HDAC9: variants seen among roughly 807,000 people sequenced by gnomAD.
HDAC9 encodes MEF-2 interacting transcription repressor (MITR) protein.
Under a neutral mutation model 139.4 loss-of-function variants are expected in HDAC9, and 41 were observed. The observed-to-expected ratio is 0.29, with a 90% confidence interval of 0.23 to 0.38. The LOEUF (loss-of-function observed/expected upper bound fraction) is 0.38, where lower values mean the gene tolerates loss of function less well. HDAC9 is among the 10% of genes least tolerant of loss of function. The probability of loss-of-function intolerance (pLI) is 1.00; values close to 1 mark genes in which losing one functional copy is unlikely to be tolerated. For synonymous variants in HDAC9, 517 were observed against 476.2 expected (o/e 1.09, Z -1.12); for missense variants, 1,147 against 1,297.0 (o/e 0.88, Z 1.78).
chr7:18,489,017 TAAG>T (rs769392741), intron 1 of HDAC9, among the ~76,000 whole-genome samples: 68 of 152,038 alleles, frequency 4.5e-4, no homozygotes, highest in Non-Finnish European at 9.0e-4. Flanking sequence ...AATATTTTAA[TAAG>T]AAACTATATA....
chr7:18,793,297 C>G (rs531181026), intron 16 of HDAC9, 48 bp from the exon 17 acceptor site: 3 of 1,314,986 alleles, frequency 2.3e-6, no homozygotes, highest in East Asian at 5.0e-5. Flanking sequence ...TCTTCCTTCT[C>G]TTTCGCTTTC....
At chr7:18,482,466 C>T (rs1795645512) in intron 1 of HDAC9, among the ~76,000 whole-genome samples, 1 of 139,550 alleles carries the variant, frequency 7.2e-6, no homozygotes, top group Non-Finnish European at 1.5e-5. Context: ...AACTATTTTC[C>T]CCTTATGTGG....
At chr7:18,761,271 A>G (rs1026852016) in intron 14 of HDAC9, among the ~76,000 whole-genome samples, 83 of 152,312 alleles carry the variant, frequency 5.4e-4, no homozygotes, top group African/African-American at 1.9e-3. Context: ...GTTTGACCTA[A>G]TGAACAGTTT....
At chr7:18,452,065 A>C (rs1319874339) in intron 1 of HDAC9, among the ~76,000 whole-genome samples, 1 of 152,140 alleles carries the variant, frequency 6.6e-6, no homozygotes, top group Non-Finnish European at 1.5e-5. Context: ...TGAAGTCCGG[A>C]GTCAGCATTT....
chr7:18,290,612 G>T, intron 1 of HDAC9: 5 of 449,164 alleles, frequency 1.1e-5, no homozygotes, highest in South Asian at 6.3e-5. Flanking sequence ...TTAATAACTT[G>T]TAGGCTGTGG....
At position 18,924,766 on chromosome 7, in the gene HDAC9, T is replaced by C. The variant is rs775725335; in HGVS notation, c.2804-11043T>C. Among the ~76,000 whole-genome samples the C allele has an allele frequency of 7.9e-5, 12 of 152,136 alleles. No individual in the cohort carries two copies. In the South Asian group the frequency reaches 8.3e-4, roughly 10 times the overall value. On this transcript the variant is annotated intron_variant, in intron 22 of 25. Transcript: ENST00000686413. ...GTTTTTTTAAAGACCAGATAACTTA[T>C]TGTGTGTCAGGTACTATGCTAGTTG...
At chr7:18,361,948 C>T (rs370769469) in intron 1 of HDAC9, among the ~76,000 whole-genome samples, 5 of 152,188 alleles carry the variant, frequency 3.3e-5, no homozygotes, top group African/African-American at 7.2e-5. Context: ...GCCAGCTCCC[C>T]GCCCTTCTGG....
At chr7:18,809,489 G>GCAAAAA (rs1794001386) in intron 17 of HDAC9, among the ~76,000 whole-genome samples, 1 of 151,794 alleles carries the variant, frequency 6.6e-6, no homozygotes, top group African/African-American at 2.4e-5. Context: ...CAACTCAATG[G>GCAAAAA]CAAAAACAAA....
At chr7:18,802,630 GA>G (rs1279656560) in intron 17 of HDAC9, among the ~76,000 whole-genome samples, 3 of 124,974 alleles carry the variant, frequency 2.4e-5, no homozygotes, top group Non-Finnish European at 4.9e-5. Flanking sequence ...TATCATGATA[GA>G]TTTTTTTATC....
intron 23 of HDAC9, among the ~76,000 whole-genome samples, chr7:18,938,801 A>G (rs2129312812): frequency 6.6e-6 from 1 of 152,354 alleles, no homozygotes; most frequent in African/African-American, 2.4e-5. Flanking sequence ...AAAGATAGTC[A>G]AAGCCTTGGG....
At position 18,625,946 on chromosome 7, in the gene HDAC9, C is replaced by CAAA. The variant is rs11312304; in HGVS notation, c.665-3378_665-3376dup. Among the ~76,000 whole-genome samples, 51 of 60,974 alleles carry CAAA rather than the reference C, an allele frequency of 8.4e-4. 1 individual carries two copies. Among genetic ancestry groups the CAAA allele is most frequent in the African/African-American group, 3.8e-3 (45 of 11,832 alleles). The allele number at this position is 60,974 out of a possible 152,430, so 40.0% of individuals were successfully genotyped here. A position where few individuals can be genotyped will look rare whatever the true frequency, so the allele number is the denominator to read the frequency against. On this transcript the variant is annotated intron_variant, in intron 6 of 25. Coordinates refer to ENST00000686413, the MANE Select transcript of HDAC9 (RefSeq NM_178425.4). Reference sequence around the variant, plus strand: ...TGGGCAACAGAGCGAGACTCCATCTCAAAAAAAAAAAAAAAAAAAAAAAAA... The same window carrying CAAA: ...TGGGCAACAGAGCGAGACTCCATCTCAAAAAAAAAAAAAAAAAAAAAAAAAAAA...
In HDAC9 at chr7:18,621,853, G is replaced by A. The variant is rs183135439; in HGVS notation, c.665-7497G>A. On this transcript the variant is annotated intron_variant, in intron 6 of 25. Transcript: ENST00000686413. The stretch of plus-strand genomic sequence containing the variant: ...GAAACTTTTAATTAGAGTAACCTGT[G>A]TATTTTGATTAACTAGACTGGAGGA... 5.1e-4 allele frequency among the ~76,000 whole-genome samples: 77 copies of A among 152,250 alleles called. 1 individual carries two copies. The highest frequency in any genetic ancestry group is 1.8e-3 in the African/African-American group (73 of 41,534).
intron 1 of HDAC9, among the ~76,000 whole-genome samples, chr7:18,360,198 T>C (rs1783666101): frequency 6.6e-6 from 1 of 152,226 alleles, no homozygotes. Flanking sequence ...TGTATATTCC[T>C]ACATTTTCAA....
chr7:18,171,866 T>A (rs1049443834), intron 2 of HDAC9, among the ~76,000 whole-genome samples: 1 of 152,214 alleles, frequency 6.6e-6, no homozygotes, highest in Non-Finnish European at 1.5e-5. Context: ...TGTTGAGGAC[T>A]TTTGCATCGA....
At chr7:18,304,569 CAG>C (rs989627035) in intron 1 of HDAC9, among the ~76,000 whole-genome samples, 1 of 152,044 alleles carries the variant, frequency 6.6e-6, no homozygotes, top group African/African-American at 2.4e-5. Flanking sequence ...GAAAAGTCAT[CAG>C]AGTACATGTA....
At chr7:18,932,868 G>GAAAGAAAGAAAGAAAGAAAGAA (rs1295709562) in intron 22 of HDAC9, among the ~76,000 whole-genome samples, 1 of 151,668 alleles carries the variant, frequency 6.6e-6, no homozygotes, top group African/African-American at 2.4e-5. Context: ...AAGAAAGAAA[G>GAAAGAAAGAAAGAAAGAAAGAA]AAAGAAAGAA....
chr7:18,235,455 G>T (rs1584772932), intron 2 of HDAC9, among the ~76,000 whole-genome samples: 1 of 152,314 alleles, frequency 6.6e-6, no homozygotes, highest in East Asian at 1.9e-4. Flanking sequence ...GTTAGGAAGA[G>T]ATGTACACAG....
chr7:18,175,576 A>G (rs940062444), intron 2 of HDAC9, among the ~76,000 whole-genome samples: 8 of 152,018 alleles, frequency 5.3e-5, no homozygotes, highest in African/African-American at 9.7e-5. Context: ...AGCTGTTCCT[A>G]TTTGGCCATC....
chr7:18,106,067 T>A (rs1269864319), intron 1 of HDAC9, among the ~76,000 whole-genome samples: 2 of 152,188 alleles, frequency 1.3e-5, no homozygotes, highest in African/African-American at 4.8e-5. Flanking sequence ...GAAGGGGGAA[T>A]GAGATGTGAC....
Sources: gnomAD v4.1 joint callset for allele counts (sites outside exome capture counted in the v4.1 genomes callset) on GRCh38, gnomAD v4.1.1 for gene constraint, MANE v1.5 for transcripts, NCBI Gene and HGNC (gene_info 2026-07-23, HGNC 2026-07-21) for gene names.